Variants in SEMA6D observed in about 807,000 individuals in gnomAD.
SEMA6D encodes semaphorin-6D.
A neutral mutation model predicts 106.6 loss-of-function variants in SEMA6D; 35 were observed. The ratio of observed to expected loss-of-function variants is 0.33; its 90% CI spans 0.25 to 0.44. The LOEUF (loss-of-function observed/expected upper bound fraction) is 0.44. Ranked by LOEUF, SEMA6D falls within the 20% of genes least tolerant of loss-of-function variation. SEMA6D has a pLI of 1.00. For synonymous variants in SEMA6D, 499 were observed against 487.7 expected (o/e 1.02, Z -0.31); for missense variants, 1,185 against 1,345.9 (o/e 0.88, Z 1.87).
intron 4 of SEMA6D, among the ~76,000 whole-genome samples, chr15:47,687,978 T>C (rs2078505341): frequency 6.6e-6 from 1 of 152,124 alleles, no homozygotes; most frequent in Non-Finnish European, 1.5e-5. Flanking sequence ...GCTATCCAAC[T>C]ACAGATGACC....
At chr15:47,263,177 A>G (rs1035644358) in intron 1 of SEMA6D, among the ~76,000 whole-genome samples, 1 of 152,196 alleles carries the variant, frequency 6.6e-6, no homozygotes, top group Non-Finnish European at 1.5e-5. Flanking sequence ...CAGTTGCAAC[A>G]AAAAGAAAAA....
intron 1 of SEMA6D, among the ~76,000 whole-genome samples, chr15:47,267,891 T>C (rs1364987712): frequency 6.8e-6 from 1 of 146,080 alleles, no homozygotes; most frequent in Non-Finnish European, 1.5e-5. Context: ...TTTTGTTTGC[T>C]TTTTTTCTAT....
At chr15:47,447,934 G>A (rs929337973) in intron 2 of SEMA6D, among the ~76,000 whole-genome samples, 3 of 152,170 alleles carry the variant, frequency 2.0e-5, no homozygotes, top group Non-Finnish European at 4.4e-5. Context: ...CTCACTTGGT[G>A]TCTGTGGGAA....
intron 2 of SEMA6D, among the ~76,000 whole-genome samples, chr15:47,462,534 T>C (rs370420581): frequency 2.2e-4 from 34 of 152,246 alleles, no homozygotes; most frequent in African/African-American, 7.5e-4. Context: ...ATGCTGTTGC[T>C]ACCCTGGACA....
In SEMA6D at chr15:47,451,269, T is replaced by C. The variant is rs2042183269; in HGVS notation, c.-158-19205T>C. Among the ~76,000 whole-genome samples, 4 of 151,956 alleles carry C rather than the reference T, an allele frequency of 2.6e-5. No individual in the cohort carries two copies. In the South Asian group the frequency reaches 8.3e-4, roughly 32 times the overall value. On this transcript the variant is annotated intron_variant, in intron 2 of 19. Coordinates refer to the SEMA6D transcript ENST00000558014. ...TTTCAGGAGCCCTGTGAACCCAAAA[T>C]CGAATGCAAAATGGTTGATGTGCAT...
chr15:47,760,799 A>T (rs980881528), intron 3 of SEMA6D, among the ~76,000 whole-genome samples, 179 bp from the exon 4 acceptor site: 7 of 152,210 alleles, frequency 4.6e-5, no homozygotes, highest in Non-Finnish European at 7.3e-5. Flanking sequence ...CTCTGACTAC[A>T]GTGATATATA....
At chr15:47,210,362 A>G (rs1895401526) in intron 1 of SEMA6D, among the ~76,000 whole-genome samples, 1 of 152,150 alleles carries the variant, frequency 6.6e-6, no homozygotes, top group Non-Finnish European at 1.5e-5. Context: ...TCCCTTTCTT[A>G]GAAGATACAA....
At chr15:47,724,825 G>A in intron 1 of SEMA6D, among the ~76,000 whole-genome samples, 1 of 152,158 alleles carries the variant, frequency 6.6e-6, no homozygotes, top group Non-Finnish European at 1.5e-5. Context: ...AGAATGAATA[G>A]GATCAATCTT....
chr15:47,763,069 C>A lies in SEMA6D; in HGVS notation c.712C>A (p.Arg238=). The change falls in exon 9 of 19, where the codon CGA becomes AGA. Residue 238 remains arginine (R), a synonymous_variant. Transcript: ENST00000536845. ...TGGAAACTATGTCTATTTCTTCTTT[C>A]GAGAAATCGCTGTCGAACATAATAA... ...EYGNYVYFFF[R]EIAVEHNNLG... 1 of 1,612,238 alleles carries A rather than the reference C, an allele frequency of 6.2e-7. No homozygotes were observed. Among genetic ancestry groups the A allele is most frequent in the Non-Finnish European group, 8.5e-7 (1 of 1,179,086 alleles).
At chr15:47,246,752 C>T (rs1340827117) in intron 1 of SEMA6D, among the ~76,000 whole-genome samples, 1 of 152,166 alleles carries the variant, frequency 6.6e-6, no homozygotes, top group Non-Finnish European at 1.5e-5. Context: ...AACTCAATGT[C>T]CTTAACTCTA....
intron 1 of SEMA6D, among the ~76,000 whole-genome samples, chr15:47,401,611 A>G (rs1294783834): frequency 2.0e-5 from 3 of 152,076 alleles, no homozygotes; most frequent in African/African-American, 4.8e-5. Flanking sequence ...CAACTTCCCA[A>G]AAGTTTACAC....
chr15:47,552,462 C>T (rs937137223), intron 3 of SEMA6D, among the ~76,000 whole-genome samples: 27 of 148,660 alleles, frequency 1.8e-4, no homozygotes, highest in African/African-American at 6.7e-4. Context: ...AAGAAAATGG[C>T]AATGTATGTG....
chr15:47,622,690 T>G (rs1261652401), intron 4 of SEMA6D, among the ~76,000 whole-genome samples: 1 of 152,162 alleles, frequency 6.6e-6, no homozygotes, highest in Non-Finnish European at 1.5e-5. Flanking sequence ...TGTGTGATTT[T>G]GGCCAAAGTC....
intron 1 of SEMA6D, among the ~76,000 whole-genome samples, chr15:47,354,254 A>G (rs923263119): frequency 2.2e-4 from 33 of 148,128 alleles, no homozygotes; most frequent in African/African-American, 7.7e-4. Context: ...ATTAGAGCTT[A>G]TAAGTGGAGA....
At chr15:47,524,293 C>T (rs1280373957) in intron 3 of SEMA6D, among the ~76,000 whole-genome samples, 6 of 152,118 alleles carry the variant, frequency 3.9e-5, no homozygotes, top group African/African-American at 1.2e-4. Flanking sequence ...CTCATCTCCC[C>T]GGGAGACTGG....
intron 1 of SEMA6D, among the ~76,000 whole-genome samples, chr15:47,235,089 G>C (rs773859959): frequency 3.3e-5 from 5 of 151,916 alleles, no homozygotes; most frequent in African/African-American, 4.8e-5. Context: ...GCATTTCCCT[G>C]ATTAGTGATG....
intron 1 of SEMA6D, among the ~76,000 whole-genome samples, chr15:47,302,913 A>T (rs1250335219): frequency 6.6e-6 from 1 of 152,196 alleles, no homozygotes; most frequent in African/African-American, 2.4e-5. Flanking sequence ...ATGGTAATTT[A>T]TTATAGCAGC....
chr15:47,581,438 G>A (rs926111479), intron 3 of SEMA6D: 4 of 471,350 alleles, frequency 8.5e-6, no homozygotes, highest in Admixed American at 4.2e-5. Flanking sequence ...GAACATAGCT[G>A]AAAGTACCTG....
At chr15:47,204,796 T>C (rs1894946602) in intron 1 of SEMA6D, among the ~76,000 whole-genome samples, 1 of 152,168 alleles carries the variant, frequency 6.6e-6, no homozygotes, top group Non-Finnish European at 1.5e-5. Flanking sequence ...ATATTTTAAG[T>C]GCTCAATCAA....
Sources: allele counts gnomAD v4.1 joint callset (sites outside exome capture counted in the v4.1 genomes callset), GRCh38; gene constraint gnomAD v4.1.1; transcripts MANE v1.5; gene names NCBI Gene and HGNC (gene_info 2026-07-23, HGNC 2026-07-21).